FAM20A: variants seen among roughly 807,000 people sequenced by gnomAD.
FAM20A encodes the protein FAM20A golgi associated secretory pathway pseudokinase.
In FAM20A, 42 loss-of-function variants were observed where a neutral mutation model predicts 52.0. The ratio of observed to expected loss-of-function variants is 0.81; its 90% CI spans 0.63 to 1.04. The LOEUF is 1.04. Ranked by LOEUF, FAM20A falls within the 50% of genes least tolerant of loss-of-function variation. The pLI, the probability that FAM20A is intolerant of heterozygous loss-of-function variation, is 0.00. For missense variants in FAM20A, 742 were observed against 712.7 expected (o/e 1.04, Z -0.47); for synonymous variants, 304 against 298.9 (o/e 1.02, Z -0.18).
At chr17:68,542,206 T>C in intron 6 of FAM20A, 41 bp from the exon 7 acceptor site, 1 of 1,607,684 alleles carries the variant, frequency 6.2e-7, no homozygotes, top group Non-Finnish European at 8.5e-7. Flanking sequence ...AGTGGAGGGC[T>C]CTGGAGGCAT....
chr17:68,599,912 C>G (rs1411319333), intron 1 of FAM20A, among the ~76,000 whole-genome samples: 1 of 152,188 alleles, frequency 6.6e-6, no homozygotes, highest in East Asian at 1.9e-4. Context: ...CACATCAGGA[C>G]AGAGAGTGGG....
At position 68,552,927 on chromosome 17, in the gene FAM20A, C is replaced by T. The variant is rs572130670; in HGVS notation, c.641-976G>A. On this transcript the variant is annotated intron_variant, in intron 3 of 10. Transcript: ENST00000592554. ...CGATCTCCTGACCTCATGATCCACCCGCCTCGGCCTCCCAAAGTGCTGGGA... is the reference window on the plus strand; with the variant it reads ...CGATCTCCTGACCTCATGATCCACCTGCCTCGGCCTCCCAAAGTGCTGGGA... 2.4e-4 allele frequency among the ~76,000 whole-genome samples: 26 copies of T among 107,278 alleles called. 2 individuals carry two copies. The highest frequency in any genetic ancestry group is 8.6e-4 in the Admixed American group (10 of 11,602). 70.4% of individuals were successfully genotyped at this position (107,278 alleles called of 152,430 possible).
At chr17:68,542,638 A>G in intron 6 of FAM20A, 56 bp downstream of exon 6, 1 of 1,317,100 alleles carries the variant, frequency 7.6e-7, no homozygotes, top group East Asian at 2.3e-5. Flanking sequence ...GGAGGGGTGG[A>G]CACTCTGGCT....
At chr17:68,599,514 T>G (rs1323831861) in intron 1 of FAM20A, among the ~76,000 whole-genome samples, 1 of 152,246 alleles carries the variant, frequency 6.6e-6, no homozygotes, top group East Asian at 1.9e-4. Flanking sequence ...AAAAATTCCC[T>G]GAAAGATTTT....
At chr17:68,572,006 A>C (rs1355731278) in intron 1 of FAM20A, among the ~76,000 whole-genome samples, 2 of 40,292 alleles carry the variant, frequency 5.0e-5, no homozygotes, top group African/African-American at 8.9e-5. Flanking sequence ...ATATATATAT[A>C]TATATATATA....
chr17:68,553,764 A>G (rs938846267), intron 3 of FAM20A, among the ~76,000 whole-genome samples: 36 of 130,140 alleles, frequency 2.8e-4, no homozygotes, highest in Non-Finnish European at 5.3e-4. Context: ...ATACATATAT[A>G]TACATATATA....
chr17:68,538,831 G>A (rs1180579786), intron 10 of FAM20A, among the ~76,000 whole-genome samples: 1 of 152,240 alleles, frequency 6.6e-6, no homozygotes, highest in Admixed American at 6.5e-5. Flanking sequence ...TATGTGGAAG[G>A]ATGAAAAAGA....
intron 1 of FAM20A, among the ~76,000 whole-genome samples, chr17:68,584,351 A>ACAAAAC (rs201176543): frequency 3.3e-5 from 4 of 122,136 alleles, no homozygotes; most frequent in East Asian, 5.4e-4. Flanking sequence ...ACAAAACAAA[A>ACAAAAC]AAAAAACCCA....
At chr17:68,562,611 T>TCCCC (rs556263514) in intron 1 of FAM20A, among the ~76,000 whole-genome samples, 1 of 149,266 alleles carries the variant, frequency 6.7e-6, no homozygotes, top group African/African-American at 2.5e-5. Context: ...TCCTTTTCCA[T>TCCCC]CCCCCCCCCT....
intron 1 of FAM20A, among the ~76,000 whole-genome samples, chr17:68,580,139 AG>A (rs1360031175): frequency 1.3e-5 from 2 of 152,246 alleles, no homozygotes; most frequent in East Asian, 3.8e-4. Flanking sequence ...AGTGGAAAGG[AG>A]GAATAAAAGC....
In FAM20A at chr17:68,600,356, G is replaced by C. The variant is rs866619910; in HGVS notation, c.311C>G (p.Pro104Arg). 6.2e-7 allele frequency: 1 copy of C among 1,600,268 alleles called. No individual in the cohort carries two copies. The highest frequency in any genetic ancestry group is 1.7e-5 in the Admixed American group (1 of 58,548). ...ALFAHPLYNV[P>R]EEPPLLGAED... ...GGCTCCCAGGAGAGGCGGCTCCTCC[G>C]GGACGTTGTACAGCGGGTGGGCGAA... is the stretch of plus-strand genomic sequence containing the variant. Residue 104 changes from proline (P) to arginine (R), a missense_variant, in exon 1 of 11, where the codon CCG (proline) becomes CGG (arginine). Pro to Arg is a moderately radical substitution (Grantham distance 103, BLOSUM62 -2). Coordinates refer to ENST00000592554, the MANE Select transcript of FAM20A (RefSeq NM_017565.4). This position sits in a 1 kb window ranked among gnomAD's most constrained non-coding sequence, Gnocchi z 6.2.
At chr17:68,578,878 G>A (rs1228238215) in intron 1 of FAM20A, among the ~76,000 whole-genome samples, 2 of 149,352 alleles carry the variant, frequency 1.3e-5, no homozygotes, top group Admixed American at 1.3e-4. Flanking sequence ...TACTGGGCGT[G>A]GTGGCAGGTG....
intron 1 of FAM20A, among the ~76,000 whole-genome samples, chr17:68,579,895 C>G (rs2087893227): frequency 6.6e-6 from 1 of 152,188 alleles, no homozygotes; most frequent in South Asian, 2.1e-4. Context: ...CTGCTGGGGG[C>G]TGGAACACAC....
intron 4 of FAM20A, among the ~76,000 whole-genome samples, chr17:68,549,499 A>G (rs1335490176): frequency 2.6e-5 from 4 of 151,974 alleles, no homozygotes; most frequent in Non-Finnish European, 5.9e-5. Flanking sequence ...CATCTCAAAA[A>G]AAAAAAAAAA....
chr17:68,572,942 C>T (rs1160559258), intron 1 of FAM20A, among the ~76,000 whole-genome samples: 1 of 152,168 alleles, frequency 6.6e-6, no homozygotes, highest in East Asian at 1.9e-4. Flanking sequence ...CTGCAGTGAT[C>T]TGCTAGACCC....
chr17:68,566,208 T>C (rs1016800716), intron 1 of FAM20A, among the ~76,000 whole-genome samples: 9 of 152,230 alleles, frequency 5.9e-5, no homozygotes, highest in Non-Finnish European at 1.3e-4. Flanking sequence ...ATTTCTTTTA[T>C]TGTTCTTGCC....
intron 1 of FAM20A, among the ~76,000 whole-genome samples, chr17:68,588,291 A>G (rs1390174377): frequency 2.0e-5 from 3 of 152,224 alleles, no homozygotes; most frequent in Non-Finnish European, 4.4e-5. Context: ...CACTTCTTTA[A>G]GGAAGGAAAG....
rs2072617113 is a variant in FAM20A, at chr17:68,541,959, G to A, written c.1109+26C>T. Reference sequence around the variant, plus strand: ...GTCTGTGGCTACTGTCAAGGACTGGGCTGTGTGGCCTGGGGACCAACTCAC... The same window carrying A: ...GTCTGTGGCTACTGTCAAGGACTGGACTGTGTGGCCTGGGGACCAACTCAC... On this transcript the variant is annotated intron_variant, in intron 7 of 10. Transcript: ENST00000592554. 3.7e-6 allele frequency: 6 copies of A among 1,607,570 alleles called. No individual in the cohort carries two copies. The Admixed American group carries it at 1.0e-4, about 27-fold the overall frequency.
At position 68,536,161 on chromosome 17, in the gene FAM20A, C is replaced by T. The variant is rs1321262914; in HGVS notation, c.*1316G>A. 6.6e-6 allele frequency: 3 copies of T among 453,990 alleles called. No individual in the cohort carries two copies. Among genetic ancestry groups the T allele is most frequent in the Non-Finnish European group, 1.3e-5 (3 of 226,798 alleles). The allele number at this position is 453,990 out of a possible 1,614,324, so 28.1% of individuals were successfully genotyped here. ...GTGTTATTTGTCCAGTCGAGGCTAT[C>T]TTTGCTCACACTGCAGAAAGCTTGG... is the stretch of plus-strand genomic sequence containing the variant. On this transcript the variant is annotated 3_prime_UTR_variant, in exon 11 of 11. Transcript: ENST00000592554.
Sources: gnomAD v4.1 joint callset for allele counts (sites outside exome capture counted in the v4.1 genomes callset) on GRCh38, gnomAD v4.1.1 for gene constraint, Gnocchi (gnomAD v3.1) non-coding constraint, MANE v1.5 for transcripts, NCBI Gene and HGNC (gene_info 2026-07-23, HGNC 2026-07-21) for gene names.